Variants in UPF3A observed in about 807,000 individuals in gnomAD.
The protein encoded by UPF3A is UPF3A regulator of nonsense mediated mRNA decay.
Under a neutral mutation model 53.5 loss-of-function variants are expected in UPF3A, and 42 were observed. That is an observed-to-expected ratio of 0.78 (90% CI 0.61 to 1.01). The LOEUF (loss-of-function observed/expected upper bound fraction) is 1.01. Ranked by LOEUF, UPF3A falls within the 50% of genes least tolerant of loss-of-function variation. The pLI, the probability that UPF3A is intolerant of heterozygous loss-of-function variation, is 0.00. For synonymous variants in UPF3A, 237 were observed against 225.3 expected (o/e 1.05, Z -0.47); for missense variants, 575 against 598.0 (o/e 0.96, Z 0.40).
At chr13:114,295,192 T>C (rs1489392577) in intron 7 of UPF3A, among the ~76,000 whole-genome samples, 1 of 151,798 alleles carries the variant, frequency 6.6e-6, no homozygotes, top group East Asian at 1.9e-4. Flanking sequence ...TGCTAAGCAG[T>C]GAGCTTATGT....
intron 3 of UPF3A, 191 bp downstream of exon 3, chr13:114,283,134 G>A (rs1238028629): frequency 1.2e-5 from 6 of 491,168 alleles, no homozygotes; most frequent in Non-Finnish European, 2.2e-5. Flanking sequence ...CAATCCTCCA[G>A]CCTCCTAGGT....
intron 7 of UPF3A, among the ~76,000 whole-genome samples, chr13:114,296,995 C>T (rs1254143500): frequency 3.3e-5 from 5 of 152,120 alleles, no homozygotes; most frequent in African/African-American, 1.2e-4. Flanking sequence ...TCCCAGATTC[C>T]ACATAGGCAG....
intron 7 of UPF3A, among the ~76,000 whole-genome samples, chr13:114,295,440 T>TCCCCAGCTCGTCTCCA (rs1428533721): frequency 2.9e-4 from 44 of 151,220 alleles, no homozygotes; most frequent in Middle Eastern, 3.4e-3. Flanking sequence ...TCTGGCCTGC[T>TCCCCAGCTCGTCTCCA]GGTTTCTCAT....
intron 6 of UPF3A, 44 bp downstream of exon 6, chr13:114,291,588 C>T (rs561923790): frequency 6.2e-7 from 1 of 1,603,682 alleles, no homozygotes; most frequent in African/African-American, 1.3e-5. Flanking sequence ...CTGCTTCTGC[C>T]ATTCTCATCC....
Position 114,305,266 on chromosome 13 carries a change from A to G in UPF3A, c.*349A>G. 3.4e-6 allele frequency: 1 copy of G among 292,498 alleles called. No homozygotes were observed. Among genetic ancestry groups the G allele is most frequent in the South Asian group, 3.0e-5 (1 of 32,792 alleles). The allele number at this position is 292,498 out of a possible 1,614,324, so 18.1% of individuals were successfully genotyped here. ...CCTGAAGCACTTTCAGTGCTGTGAG[A>G]ACGACATCCACTTTGGGTTTCATTC... On this transcript the variant is annotated 3_prime_UTR_variant, in exon 10 of 10. Coordinates refer to ENST00000375299, the MANE Select transcript of UPF3A (RefSeq NM_023011.4).
intron 8 of UPF3A, among the ~76,000 whole-genome samples, chr13:114,300,366 T>C (rs748410594): frequency 4.9e-4 from 75 of 152,224 alleles, no homozygotes; most frequent in Non-Finnish European, 1.0e-3. Flanking sequence ...TTTTATTATT[T>C]TATTTTATTT....
intron 2 of UPF3A, chr13:114,282,466 G>C: frequency 1.0e-6 from 1 of 985,430 alleles, no homozygotes; most frequent in Non-Finnish European, 1.2e-6. Flanking sequence ...GGGGGGCGCC[G>C]GCTCTTCCTG....
chr13:114,302,072 T>C, intron 9 of UPF3A, 47 bp downstream of exon 9: 5 of 1,468,242 alleles, frequency 3.4e-6, no homozygotes, highest in Non-Finnish European at 4.5e-6. Flanking sequence ...TGTCTTAAGG[T>C]CCAGGCTGCA....
At chr13:114,298,396 C>T (rs936727901) in intron 7 of UPF3A, among the ~76,000 whole-genome samples, 10 of 150,606 alleles carry the variant, frequency 6.6e-5, no homozygotes, top group Admixed American at 6.6e-5. Context: ...AAAAATTAGA[C>T]GGGTATGGTG....
chr13:114,292,065 C>T (rs575135057), intron 7 of UPF3A, among the ~76,000 whole-genome samples: 1 of 150,552 alleles, frequency 6.6e-6, no homozygotes, highest in Admixed American at 6.6e-5. Flanking sequence ...CCCACGCTGG[C>T]ACACGTTGGG....
intron 7 of UPF3A, among the ~76,000 whole-genome samples, chr13:114,296,622 G>C (rs376406261): frequency 1.3e-5 from 2 of 152,086 alleles, no homozygotes; most frequent in South Asian, 4.2e-4. Context: ...AGAGGCCATC[G>C]GGAACCCCTG....
At chr13:114,286,116 T>C (rs1246992813) in intron 3 of UPF3A, 186 bp from the exon 4 acceptor site, 13 of 729,706 alleles carry the variant, frequency 1.8e-5, no homozygotes, top group Non-Finnish European at 2.5e-5. Flanking sequence ...TGCTTGAAAG[T>C]GTAATAAAAT....
intron 5 of UPF3A, among the ~76,000 whole-genome samples, chr13:114,289,956 C>T (rs1013191394): frequency 1.3e-5 from 2 of 152,180 alleles, no homozygotes; most frequent in African/African-American, 2.4e-5. Flanking sequence ...CAGGTGGTCT[C>T]GCCCGGCTCC....
intron 7 of UPF3A, among the ~76,000 whole-genome samples, chr13:114,296,381 C>CA (rs1156703723): frequency 1.3e-5 from 2 of 151,256 alleles, no homozygotes; most frequent in Non-Finnish European, 2.9e-5. Context: ...GACTCCATCT[C>CA]AAAAAAAATA....
At chr13:114,295,060 C>T (rs1304791195) in intron 7 of UPF3A, among the ~76,000 whole-genome samples, 8 of 137,200 alleles carry the variant, frequency 5.8e-5, no homozygotes, top group East Asian at 2.1e-4. Context: ...TGCAGTGAGC[C>T]AAGATTGCGC....
intron 7 of UPF3A, among the ~76,000 whole-genome samples, chr13:114,296,418 G>A (rs967151411): frequency 6.6e-6 from 1 of 152,072 alleles, no homozygotes; most frequent in African/African-American, 2.4e-5. Flanking sequence ...CTTCCGGGTT[G>A]GTGAGCACAT....
At chr13:114,286,948 G>A (rs2084752813) in intron 5 of UPF3A, 1 of 239,086 alleles carries the variant, frequency 4.2e-6, no homozygotes, top group Admixed American at 5.1e-5. Flanking sequence ...GTGTCACATA[G>A]TTGAAGTCAG....
Position 114,291,792 on chromosome 13 carries a change from G to A in UPF3A, c.846G>A (p.Lys282=), listed in dbSNP as rs768283993. The part of the protein sequence containing the change: ...KKIAEKEVRI[K]LLKKPEKGEE... Reference sequence around the variant, plus strand: ...TTGCAGAGAAAGAAGTAAGGATTAAGGTAATTCTGAGGAAACATTTCCTTT... The same window carrying A: ...TTGCAGAGAAAGAAGTAAGGATTAAAGTAATTCTGAGGAAACATTTCCTTT... The change falls in exon 7 of 10, where the codon AAG becomes AAA. Residue 282 remains lysine (K), a splice_region_variant and synonymous_variant. Transcript: ENST00000375299. 6.3e-7 allele frequency: 1 copy of A among 1,577,352 alleles called. No individual in the cohort carries two copies. The highest frequency in any genetic ancestry group is 2.2e-5 in the East Asian group (1 of 44,690).
intron 5 of UPF3A, among the ~76,000 whole-genome samples, chr13:114,289,168 A>T (rs1200606509): frequency 5.9e-5 from 9 of 152,078 alleles, no homozygotes; most frequent in Non-Finnish European, 1.3e-4. Context: ...GGAGCGATTA[A>T]TTCATTCCAG....
Sources: gnomAD v4.1 joint callset for allele counts (sites outside exome capture counted in the v4.1 genomes callset) on GRCh38, gnomAD v4.1.1 for gene constraint, MANE v1.5 for transcripts, NCBI Gene and HGNC (gene_info 2026-07-23, HGNC 2026-07-21) for gene names.